Variants in CLVS1 observed in about 807,000 individuals in gnomAD.
CLVS1 encodes the protein clavesin 1.
A neutral mutation model predicts 33.1 loss-of-function variants in CLVS1; 10 were observed. That is an observed-to-expected ratio of 0.30 (90% CI 0.19 to 0.51). CLVS1 has a LOEUF of 0.51. Ranked by LOEUF, CLVS1 falls within the 20% of genes least tolerant of loss-of-function variation. CLVS1 has a pLI of 0.97. For synonymous variants in CLVS1, 163 were observed against 166.1 expected, an observed-to-expected ratio of 0.98 and a Z score of 0.14; for missense variants, 343 against 433.4, an observed-to-expected ratio of 0.79 and a Z score of 1.85.
chr8:61,166,913 C>G, intron 2 of CLVS1, among the ~76,000 whole-genome samples: 1 of 135,072 alleles, frequency 7.4e-6, no homozygotes, highest in South Asian at 2.3e-4. Context: ...GAACTTTCTT[C>G]TTTGGATCCT....
intron 2 of CLVS1, 22 bp downstream of exon 2, chr8:61,300,304 A>T (rs1485811305): frequency 1.3e-6 from 2 of 1,584,904 alleles, no homozygotes; most frequent in Admixed American, 3.6e-5. Context: ...TAGTGTCTTT[A>T]CTTGGTTTTT....
At chr8:61,349,817 G>A (rs939530632) in intron 2 of CLVS1, among the ~76,000 whole-genome samples, 3 of 152,178 alleles carry the variant, frequency 2.0e-5, no homozygotes, top group Middle Eastern at 3.4e-3. Flanking sequence ...GGGATTGCTG[G>A]TTGGTAAAGG....
At chr8:61,256,257 G>A (rs1047285822) in intron 2 of CLVS1, among the ~76,000 whole-genome samples, 1 of 152,228 alleles carries the variant, frequency 6.6e-6, no homozygotes, top group Non-Finnish European at 1.5e-5. Flanking sequence ...GCTCACGCCT[G>A]TAATCCCAGC....
chr8:61,214,487 C>G (rs1357496030), intron 2 of CLVS1, among the ~76,000 whole-genome samples: 1 of 152,128 alleles, frequency 6.6e-6, no homozygotes, highest in Non-Finnish European at 1.5e-5. Context: ...ACTATCGGGG[C>G]AGGTTCCCCA....
chr8:61,287,924 G>C (rs1431674802), upstream of CLVS1: 1 of 357,982 alleles, frequency 2.8e-6, no homozygotes, highest in African/African-American at 2.1e-5. Context: ...TAGGACCCAG[G>C]GGAAAGCTAG....
chr8:61,417,199 G>T (rs1192273673), intron 3 of CLVS1, among the ~76,000 whole-genome samples: 1 of 152,098 alleles, frequency 6.6e-6, no homozygotes, highest in African/African-American at 2.4e-5. Flanking sequence ...GGAATGAGGA[G>T]GAGAAAGACA....
chr8:61,222,834 G>T lies in CLVS1; in HGVS notation c.-151-76843G>T, dbSNP rs4033618. The stretch of plus-strand genomic sequence containing the variant: ...TGTAAATCTCTTTGTAGGTCTCTAA[G>T]AACTTGGTGCTCTTGTATTGAGTGC... On this transcript the variant is annotated intron_variant, in intron 2 of 2. Transcript: ENST00000522621. 2.9e-3 allele frequency among the ~76,000 whole-genome samples: 439 copies of T among 151,818 alleles called. 2 individuals are homozygous for T. Among genetic ancestry groups the T allele is most frequent in the Middle Eastern group, 0.01 (3 of 294 alleles).
chr8:61,425,694 G>A (rs1815863497), intron 3 of CLVS1, among the ~76,000 whole-genome samples: 1 of 152,068 alleles, frequency 6.6e-6, no homozygotes, highest in Non-Finnish European at 1.5e-5. Context: ...TTTGTAATTA[G>A]AATAAGCAGT....
chr8:61,315,325 G>A (rs1439758521), intron 2 of CLVS1, among the ~76,000 whole-genome samples: 1 of 152,074 alleles, frequency 6.6e-6, no homozygotes, highest in Non-Finnish European at 1.5e-5. Context: ...TTGGGGAGGG[G>A]GAGAGATAAA....
intron 3 of CLVS1, among the ~76,000 whole-genome samples, chr8:61,434,098 C>CA (rs1420012643): frequency 6.6e-6 from 1 of 152,134 alleles, no homozygotes; most frequent in Non-Finnish European, 1.5e-5. Flanking sequence ...GTCAGATTAT[C>CA]AGGGCTTTTA....
intron 3 of CLVS1, among the ~76,000 whole-genome samples, chr8:61,406,625 G>T (rs59921186): frequency 4.0e-5 from 6 of 151,666 alleles, no homozygotes; most frequent in Admixed American, 2.6e-4. Flanking sequence ...TTGTGGGGGG[G>T]GGGATGGAGT....
the CLVS1 span, among the ~76,000 whole-genome samples, chr8:60,998,651 CTGCTATT>C: frequency 6.6e-6 from 1 of 152,284 alleles, no homozygotes; most frequent in South Asian, 2.1e-4. Context: ...GCTGCATTTT[CTGCTATT>C]TGGGTTTGTT....
the CLVS1 span, among the ~76,000 whole-genome samples, chr8:61,007,268 T>C: frequency 2.6e-5 from 4 of 152,242 alleles, no homozygotes; most frequent in Admixed American, 1.3e-4. Flanking sequence ...TCATCTATTT[T>C]AGCAAGTGAA....
intron 2 of CLVS1, among the ~76,000 whole-genome samples, chr8:61,204,522 T>C (rs539958753): frequency 1.2e-4 from 19 of 152,214 alleles, no homozygotes; most frequent in Non-Finnish European, 2.6e-4. Context: ...CCTATAGAAC[T>C]TGACTGTTTC....
intron 2 of CLVS1, among the ~76,000 whole-genome samples, chr8:61,253,135 GC>G (rs1302839091): frequency 2.0e-5 from 3 of 152,126 alleles, no homozygotes; most frequent in African/African-American, 7.2e-5. Flanking sequence ...AAATCTCTCA[GC>G]ATTTGCTTGT....
chr8:61,456,698 C>T (rs925855677), intron 4 of CLVS1, among the ~76,000 whole-genome samples: 9 of 151,936 alleles, frequency 5.9e-5, no homozygotes, highest in African/African-American at 1.4e-4. Context: ...ATGCGGATCA[C>T]GAGGTCAGGA....
chr8:61,193,964 T>C (rs1807549337), intron 2 of CLVS1, among the ~76,000 whole-genome samples: 1 of 152,128 alleles, frequency 6.6e-6, no homozygotes, highest in African/African-American at 2.4e-5. Context: ...TTCTAAGTAC[T>C]TGTAATGTCT....
intron 2 of CLVS1, among the ~76,000 whole-genome samples, chr8:61,195,595 G>A (rs1807588231): frequency 6.6e-6 from 1 of 151,660 alleles, no homozygotes; most frequent in African/African-American, 2.4e-5. Context: ...AATCATAAAT[G>A]ACTGCCATAT....
At chr8:61,306,316 T>C (rs1810625123) in intron 2 of CLVS1, among the ~76,000 whole-genome samples, 1 of 152,216 alleles carries the variant, frequency 6.6e-6, no homozygotes, top group Non-Finnish European at 1.5e-5. Context: ...CATACAATTG[T>C]TGGCCACATA....
Sources: allele counts gnomAD v4.1 joint callset (sites outside exome capture counted in the v4.1 genomes callset), GRCh38; gene constraint gnomAD v4.1.1; transcripts MANE v1.5; gene names NCBI Gene and HGNC (gene_info 2026-07-23, HGNC 2026-07-21).